Variants in ARVCF observed in about 807,000 individuals in gnomAD.
ARVCF encodes the protein splicing regulator ARVCF.
ARVCF carries 66 observed loss-of-function variants against 90.9 expected under a neutral mutation model. The observed-to-expected ratio is 0.73, with a 90% CI of 0.60 to 0.89. ARVCF has a LOEUF of 0.89. Ranked by LOEUF, ARVCF falls within the 40% of genes least tolerant of loss-of-function variation. The pLI is 0.00. For missense variants in ARVCF, 1,469 were observed against 1,382.3 expected, an observed-to-expected ratio of 1.06 and a Z score of -1.00; for synonymous variants, 653 against 603.4, an observed-to-expected ratio of 1.08 and a Z score of -1.21.
Position 19,990,608 on chromosome 22 carries a change from C to T in ARVCF, c.187G>A (p.Ala63Thr). 6.2e-7 allele frequency: 1 copy of T among 1,609,534 alleles called. No individual in the cohort carries two copies. Among genetic ancestry groups the T allele is most frequent in the Non-Finnish European group, 8.5e-7 (1 of 1,178,234 alleles). ...ACCTGGAGGACCAGCTGTTGCCAGG[C>T]CATTGGCAGGGGCTGCCCACTGCCC... ...GMGSGQPLPM[A>T]WQQLVLQEQS... The change falls in exon 3 of 20, where the codon GCC (alanine) becomes ACC (threonine). Residue 63 changes from alanine to threonine, a missense_variant. Coordinates refer to ENST00000263207, the MANE Select transcript of ARVCF (RefSeq NM_001670.3).
intron 7 of ARVCF, among the ~76,000 whole-genome samples, chr22:19,978,441 C>T (rs1330760221): frequency 6.6e-6 from 1 of 152,208 alleles, no homozygotes; most frequent in Non-Finnish European, 1.5e-5. Flanking sequence ...CCCCACCTTA[C>T]CCCAAGGTCA....
intron 2 of ARVCF, among the ~76,000 whole-genome samples, chr22:20,009,029 C>T (rs1228914850): frequency 6.6e-6 from 1 of 152,164 alleles, no homozygotes; most frequent in Non-Finnish European, 1.5e-5. Context: ...CACCCTCCTG[C>T]GGACCCTGTT....
At position 20,016,634 on chromosome 22, in the gene ARVCF, G is replaced by A. The variant is rs1945199036; in HGVS notation, c.-118C>T. ...CCCCGCAGCGCGGCCTCGGACCCCAGAAGGGCTTCCCCGGGTCCGTTGGCG... is the reference window on the plus strand; with the variant it reads ...CCCCGCAGCGCGGCCTCGGACCCCAAAAGGGCTTCCCCGGGTCCGTTGGCG... On this transcript the variant is annotated 5_prime_UTR_variant, in exon 1 of 20. Transcript: ENST00000263207. 6.6e-6 allele frequency: 1 copy of A among 151,418 alleles called. No homozygotes were observed. The highest frequency in any genetic ancestry group is 2.1e-4 in the South Asian group (1 of 4,808). 9.4% of individuals were successfully genotyped at this position (151,418 alleles called of 1,614,324 possible).
At position 19,979,771 on chromosome 22, in the gene ARVCF, C is replaced by A; in HGVS notation, c.1368G>T (p.Arg456=). ...PALVRLLRAA[R]DNEVRELVTG... The stretch of plus-strand genomic sequence containing the variant: ...TGACAAGCTCACGGACCTCGTTGTC[C>A]CGGGCAGCCCTCAGCAGGCGCACCA... Residue 456 remains arginine (R), a synonymous_variant, in exon 6 of 20, where the codon CGG becomes CGT. Coordinates refer to ENST00000263207, the MANE Select transcript of ARVCF (RefSeq NM_001670.3). 1.2e-6 allele frequency: 2 copies of A among 1,605,770 alleles called. No individual in the cohort carries two copies. Among genetic ancestry groups the A allele is most frequent in the Non-Finnish European group, 1.7e-6 (2 of 1,175,706 alleles).
At chr22:19,971,483 G>A in intron 18 of ARVCF, 148 bp from the exon 19 acceptor site, 1 of 1,010,038 alleles carries the variant, frequency 9.9e-7, no homozygotes, top group Non-Finnish European at 1.4e-6. Flanking sequence ...CAGGGAGCCG[G>A]AAACGTGTGG....
intron 1 of ARVCF, among the ~76,000 whole-genome samples, chr22:20,014,136 T>A (rs1338277636): frequency 6.6e-6 from 1 of 151,298 alleles, no homozygotes; most frequent in Non-Finnish European, 1.5e-5. Context: ...TGCCTCGGCC[T>A]CCCAAAGTGC....
At chr22:19,989,383 T>C (rs2146373011) in intron 3 of ARVCF, among the ~76,000 whole-genome samples, 2 of 152,268 alleles carry the variant, frequency 1.3e-5, no homozygotes, top group East Asian at 3.9e-4. Flanking sequence ...TGACGCCTGC[T>C]GGCCGACACC....
At chr22:19,977,729 T>C (rs1943241115) in intron 8 of ARVCF, 143 bp from the exon 9 acceptor site, 1 of 1,243,634 alleles carries the variant, frequency 8.0e-7, no homozygotes, top group Non-Finnish European at 1.1e-6. Context: ...AAAAGGGCGG[T>C]AACCGCCAGG....
At chr22:19,993,279 A>G (rs1219074906) in intron 2 of ARVCF, among the ~76,000 whole-genome samples, 3 of 152,236 alleles carry the variant, frequency 2.0e-5, no homozygotes, top group African/African-American at 2.4e-5. Context: ...ACTCTGGCCT[A>G]TGACAGGAGC....
chr22:19,966,557 C>T (rs571077086), downstream of ARVCF, among the ~76,000 whole-genome samples: 7 of 151,388 alleles, frequency 4.6e-5, no homozygotes, highest in Non-Finnish European at 1.0e-4. Flanking sequence ...CCTCCCACCT[C>T]AGCCTCCTGA....
At chr22:19,967,633 C>T (rs933011231), downstream of ARVCF, 24 of 313,980 alleles carry the variant, frequency 7.6e-5, 1 homozygote, top group Middle Eastern at 6.4e-3. Flanking sequence ...CATGTGGGGT[C>T]GGATACCAGT....
Position 19,981,638 on chromosome 22 carries a change from G to C in ARVCF, c.469C>G (p.Pro157Ala). The C allele has an allele frequency of 6.2e-7, 1 of 1,609,350 alleles. No homozygotes were observed. The highest frequency in any genetic ancestry group is 1.1e-5 in the South Asian group (1 of 90,990). The change falls in exon 5 of 20, where the codon CCT becomes GCT. Residue 157 changes from proline (P) to alanine (A), a missense_variant. By Grantham distance (27) the Pro-to-Ala change is conservative (BLOSUM62 -1). Coordinates refer to ENST00000263207, the MANE Select transcript of ARVCF (RefSeq NM_001670.3). ...PLLDGGPPLG[P>A]FADGALDRHF... is the part of the protein sequence containing the mutation. Reference sequence around the variant, plus strand: ...CGGTCCAGGGCACCATCTGCAAAAGGGCCTAGTGGGGGGCCGCCATCCAGC... The same window carrying C: ...CGGTCCAGGGCACCATCTGCAAAAGCGCCTAGTGGGGGGCCGCCATCCAGC...
chr22:19,974,147 C>T lies in ARVCF; in HGVS notation c.2053G>A (p.Gly685Ser), dbSNP rs1943013734. ...CCGGCACTGAGGTTCTGCAGAGCGC[C>T]GGCGGCAGCCTCCAGGGTGTTGAAG... ...RNFNTLEAAAGALQNLSAGNW... is the reference protein window; with the variant it reads ...RNFNTLEAAASALQNLSAGNW... The change falls in exon 12 of 20, where the codon GGC (glycine) becomes AGC (serine). Residue 685 changes from glycine to serine, a missense_variant. Gly to Ser is a moderately conservative substitution (Grantham distance 56). Transcript: ENST00000263207. 2.5e-6 allele frequency: 4 copies of T among 1,612,640 alleles called. No individual in the cohort carries two copies. The East Asian group carries it at 8.9e-5, about 36-fold the overall frequency.
In ARVCF at chr22:19,980,260, G is replaced by C; in HGVS notation, c.897-18C>G. ...CGTAGGCCCTGCACAGGCAAGTGGG[G>C]CGCGTGGACATCGTCACAGCAGCCG... On this transcript the variant is annotated intron_variant, in intron 5 of 19. Coordinates refer to ENST00000263207, the MANE Select transcript of ARVCF (RefSeq NM_001670.3). 6.7e-7 allele frequency: 1 copy of C among 1,500,416 alleles called. No individual in the cohort carries two copies. The highest frequency in any genetic ancestry group is 1.3e-5 in the South Asian group (1 of 75,600). 92.9% of individuals were successfully genotyped at this position (1,500,416 alleles called of 1,614,324 possible).
At chr22:19,966,716 C>T (rs755996311), downstream of ARVCF, among the ~76,000 whole-genome samples, 6 of 152,060 alleles carry the variant, frequency 3.9e-5, no homozygotes, top group Non-Finnish European at 8.8e-5. Context: ...GCTGGGAGTA[C>T]AGGTGTGTGC....
chr22:20,000,810 C>A (rs1407470045), intron 2 of ARVCF, among the ~76,000 whole-genome samples: 10 of 152,050 alleles, frequency 6.6e-5, no homozygotes, highest in Admixed American at 3.3e-4. Flanking sequence ...AGAGGACACA[C>A]AGCGCCATCT....
At chr22:19,977,323 C>T (rs1468374567) in intron 9 of ARVCF, 92 bp downstream of exon 9, 4 of 1,437,768 alleles carry the variant, frequency 2.8e-6, no homozygotes, top group African/African-American at 1.4e-5. Context: ...GTCCTCTAGC[C>T]TCCATGATGG....
rs779516783 is a variant in ARVCF at position 19,972,835 on chromosome 22, A to G, written c.2551-8T>C. The G allele has an allele frequency of 3.1e-6, 5 of 1,613,558 alleles. No homozygotes were observed. The highest frequency in any genetic ancestry group is 2.2e-5 in the South Asian group (2 of 91,066). ...GGCAGTAGCAGCAGCTGACTGAGAC[A>G]TAAAACACAGACACAGGGTGGGTGA... On this transcript the variant is annotated splice_polypyrimidine_tract_variant and splice_region_variant and intron_variant, in intron 15 of 19. Transcript: ENST00000263207.
intron 9 of ARVCF, among the ~76,000 whole-genome samples, 188 bp downstream of exon 9, chr22:19,977,227 C>T (rs1233479840): frequency 4.0e-5 from 6 of 151,860 alleles, no homozygotes; most frequent in Non-Finnish European, 8.8e-5. Flanking sequence ...AAGGTTGGAC[C>T]TGGGTCCCAT....
Sources: gnomAD v4.1 joint callset for allele counts (sites outside exome capture counted in the v4.1 genomes callset) on GRCh38, gnomAD v4.1.1 for gene constraint, MANE v1.5 for transcripts, NCBI Gene and HGNC (gene_info 2026-07-23, HGNC 2026-07-21) for gene names.